The following KRTAP19-8 variants were observed in gnomAD, a reference collection of about 807,000 sequenced individuals.
KRTAP19-8 encodes the protein keratin associated protein 19-8.
Under a neutral mutation model 0.3 loss-of-function variants are expected in KRTAP19-8, and 1 was observed. The ratio of observed to expected loss-of-function variants is 3.43; its 90% CI spans 1.22 to 16.29. KRTAP19-8 has a LOEUF of 16.29. Among genes scored for constraint, KRTAP19-8 ranks in the 30% most tolerant of loss-of-function variants. The probability of loss-of-function intolerance (pLI) is 0.12; values close to 1 mark genes in which losing one functional copy is unlikely to be tolerated. For missense variants in KRTAP19-8, 68 were observed against 77.6 expected, an observed-to-expected ratio of 0.88 and a Z score of 0.46; for synonymous variants, 30 against 32.1, an observed-to-expected ratio of 0.94 and a Z score of 0.22.
chr21:31,038,175 G>A lies in KRTAP19-8; in HGVS notation c.*77C>T, dbSNP rs138882858. 168 of 1,249,254 alleles carry A rather than the reference G, an allele frequency of 1.3e-4. No individual in the cohort carries two copies. In the Admixed American group the frequency reaches 3.2e-3, roughly 24 times the overall value. The allele number at this position is 1,249,254 out of a possible 1,614,324, so 77.4% of individuals were successfully genotyped here. ...GAAAGTGGCTGCGCAATTCACAGAGGGGGTAAAAAGACCTGAAAGGAGAAT... is the reference window on the plus strand; with the variant it reads ...GAAAGTGGCTGCGCAATTCACAGAGAGGGTAAAAAGACCTGAAAGGAGAAT... On this transcript the variant is annotated 3_prime_UTR_variant, in exon 1 of 1. Coordinates refer to ENST00000382822, the MANE Select transcript of KRTAP19-8 (RefSeq NM_001099219.1).
rs750750430 is a variant in KRTAP19-8 at position 31,038,256 on chromosome 21, T to A, written c.188A>T (p.Tyr63Phe). 5 of 1,612,338 alleles carry A rather than the reference T, an allele frequency of 3.1e-6. No homozygotes were observed. Among genetic ancestry groups the A allele is most frequent in the Non-Finnish European group, 4.2e-6 (5 of 1,178,680 alleles). ...TCCAAAGAATGAGTTCACTCTTCAG[T>A]AGAAGGCAGAGAATCCATATCCTCC... is the stretch of plus-strand genomic sequence containing the variant. ...YYGGYGFSAF[Y>F] Residue 63 changes from tyrosine (Y) to phenylalanine (F), a missense_variant, in exon 1 of 1, where the codon TAC becomes TTC. Transcript: ENST00000382822.
In KRTAP19-8 at chr21:31,038,175, G is replaced by T; in HGVS notation, c.*77C>A. On this transcript the variant is annotated 3_prime_UTR_variant, in exon 1 of 1. Coordinates refer to ENST00000382822, the MANE Select transcript of KRTAP19-8 (RefSeq NM_001099219.1). ...GAAAGTGGCTGCGCAATTCACAGAGGGGGTAAAAAGACCTGAAAGGAGAAT... is the reference window on the plus strand; with the variant it reads ...GAAAGTGGCTGCGCAATTCACAGAGTGGGTAAAAAGACCTGAAAGGAGAAT... The T allele has an allele frequency of 5.6e-6, 7 of 1,249,256 alleles. No homozygotes were observed. The highest frequency in any genetic ancestry group is 7.0e-6 in the Non-Finnish European group (6 of 861,856). The allele number at this position is 1,249,256 out of a possible 1,614,324, so 77.4% of individuals were successfully genotyped here. A position where few individuals can be genotyped will look rare whatever the true frequency, so the allele number is the denominator to read the frequency against.
At position 31,038,313 on chromosome 21, in the gene KRTAP19-8, T is replaced by C. The variant is rs763630791; in HGVS notation, c.131A>G (p.Tyr44Cys). 1.2e-6 allele frequency: 2 copies of C among 1,612,252 alleles called. No homozygotes were observed. The highest frequency in any genetic ancestry group is 1.3e-5 in the African/African-American group (1 of 74,952). ...RLGYGCGYGG[Y>C]GFSCCRPLYY... ...TAATGGTCGGCAACAGCTGAATCCA[T>C]AGCCTCCGTAGCCACAGCCATAGCC... is the stretch of plus-strand genomic sequence containing the variant. The change falls in exon 1 of 1, where the codon TAT (tyrosine) becomes TGT (cysteine). Residue 44 changes from tyrosine (Y) to cysteine (C), a missense_variant. Transcript: ENST00000382822.
At position 31,038,434 on chromosome 21, in the gene KRTAP19-8, A is replaced by G. The variant is rs774688563; in HGVS notation, c.10T>C (p.Tyr4His). Residue 4 changes from tyrosine to histidine, a missense_variant, in exon 1 of 1, where the codon TAC becomes CAC. By Grantham distance (83) the Tyr-to-His change is moderately conservative. Transcript: ENST00000382822. Reference sequence around the variant, plus strand: ...CCCAGGCCTCCATAATAGCTTCTGTAGTAGCTCATGGTTCAGCAACTGTAG... The same window carrying G: ...CCCAGGCCTCCATAATAGCTTCTGTGGTAGCTCATGGTTCAGCAACTGTAG... MSY[Y>H]RSYYGGLGYG... 2 of 1,612,324 alleles carry G rather than the reference A, an allele frequency of 1.2e-6. No homozygotes were observed. Among genetic ancestry groups the G allele is most frequent in the Admixed American group, 1.7e-5 (1 of 59,486 alleles).
chr21:31,038,358 T>TAGCCGC lies in KRTAP19-8; in HGVS notation c.80_85dup (p.Cys27_Gly28dup). Reference sequence around the variant, plus strand: ...ATAGCCCAACCTGCGGAAGCTGCCATAGCCGCAGCCATAGCCATAGCCCCA... The same window carrying TAGCCGC: ...ATAGCCCAACCTGCGGAAGCTGCCATAGCCGCAGCCGCAGCCATAGCCATAGCCCCA... On this transcript the variant is annotated inframe_insertion, in exon 1 of 1. Coordinates refer to ENST00000382822, the MANE Select transcript of KRTAP19-8 (RefSeq NM_001099219.1). The TAGCCGC allele has an allele frequency of 6.2e-7, 1 of 1,609,004 alleles. No homozygotes were observed. The highest frequency in any genetic ancestry group is 1.3e-5 in the African/African-American group (1 of 74,876).
rs575758417 is a variant in KRTAP19-8, at chr21:31,038,346, C to T, written c.98G>A (p.Arg33His). Residue 33 changes from arginine to histidine, a missense_variant, in exon 1 of 1, where the codon CGC becomes CAC. Physicochemically the swap from Arg to His is conservative, Grantham distance 29. Transcript: ENST00000382822. The stretch of plus-strand genomic sequence containing the variant: ...GTAGCCACAGCCATAGCCCAACCTG[C>T]GGAAGCTGCCATAGCCGCAGCCATA... ...YGYGCGYGSF[R>H]RLGYGCGYGG... 7 of 1,609,774 alleles carry T rather than the reference C, an allele frequency of 4.3e-6. No homozygotes were observed. The highest frequency in any genetic ancestry group is 3.3e-5 in the South Asian group (3 of 90,974).
Position 31,038,263 on chromosome 21 carries a change from C to T in KRTAP19-8, c.181G>A (p.Ala61Thr), listed in dbSNP as rs7279142. The change falls in exon 1 of 1, where the codon GCC (alanine) becomes ACC (threonine). Residue 61 changes from alanine (A) to threonine (T), a missense_variant. Transcript: ENST00000382822. Reference protein sequence around the residue: ...PLYYGGYGFSAFY With the variant: ...PLYYGGYGFSTFY The stretch of plus-strand genomic sequence containing the variant: ...AATGAGTTCACTCTTCAGTAGAAGG[C>T]AGAGAATCCATATCCTCCGTAGTAT... 39,868 of 1,612,586 alleles carry T rather than the reference C, an allele frequency of 0.025. 4,561 individuals are homozygous for T. In the Admixed American group the frequency reaches 0.3, roughly 12 times the overall value.
chr21:31,038,294 T>C lies in KRTAP19-8; in HGVS notation c.150A>G (p.Arg50=). Residue 50 remains arginine (R), a synonymous_variant, in exon 1 of 1, where the codon CGA becomes CGG. Coordinates refer to ENST00000382822, the MANE Select transcript of KRTAP19-8 (RefSeq NM_001099219.1). ...ATCCATATCCTCCGTAGTATAATGGTCGGCAACAGCTGAATCCATAGCCTC... is the reference window on the plus strand; with the variant it reads ...ATCCATATCCTCCGTAGTATAATGGCCGGCAACAGCTGAATCCATAGCCTC... ...GYGGYGFSCC[R]PLYYGGYGFS... is the part of the protein sequence containing the mutation. 1 of 1,613,550 alleles carries C rather than the reference T, an allele frequency of 6.2e-7. No individual in the cohort carries two copies. The highest frequency in any genetic ancestry group is 8.5e-7 in the Non-Finnish European group (1 of 1,179,512).
chr21:31,038,439 C>T lies in KRTAP19-8; in HGVS notation c.5G>A (p.Ser2Asn). 2 of 1,611,194 alleles carry T rather than the reference C, an allele frequency of 1.2e-6. No individual in the cohort carries two copies. Among genetic ancestry groups the T allele is most frequent in the South Asian group, 1.1e-5 (1 of 90,944 alleles). Residue 2 changes from serine to asparagine, a missense_variant, in exon 1 of 1, where the codon AGC becomes AAC. Physicochemically the swap from Ser to Asn is conservative, Grantham distance 46 (BLOSUM62 1). Coordinates refer to ENST00000382822, the MANE Select transcript of KRTAP19-8 (RefSeq NM_001099219.1). MSYYRSYYGGLG... is the reference protein window; with the variant it reads MNYYRSYYGGLG... ...GCCTCCATAATAGCTTCTGTAGTAG[C>T]TCATGGTTCAGCAACTGTAGATGTG...
chr21:31,038,161 C>T lies in KRTAP19-8; in HGVS notation c.*91G>A, dbSNP rs894217295. On this transcript the variant is annotated 3_prime_UTR_variant, in exon 1 of 1. Transcript: ENST00000382822. The stretch of plus-strand genomic sequence containing the variant: ...GTCTGGTTTATCAAGAAAGTGGCTG[C>T]GCAATTCACAGAGGGGGTAAAAAGA... 5.8e-5 allele frequency: 63 copies of T among 1,087,030 alleles called. No individual in the cohort carries two copies. The African/African-American group carries it at 6.4e-4, about 11-fold the overall frequency. 67.3% of individuals were successfully genotyped at this position (1,087,030 alleles called of 1,614,324 possible). A position where few individuals can be genotyped will look rare whatever the true frequency, so the allele number is the denominator to read the frequency against.
chr21:31,038,240 T>C lies in KRTAP19-8; in HGVS notation c.*12A>G, dbSNP rs762099923. 1.2e-5 allele frequency: 19 copies of C among 1,608,000 alleles called. No homozygotes were observed. Among genetic ancestry groups the C allele is most frequent in the Middle Eastern group, 1.6e-4 (1 of 6,064 alleles). On this transcript the variant is annotated 3_prime_UTR_variant, in exon 1 of 1. Transcript: ENST00000382822. ...AGACAGATTCTAGTGATCCAAAGAATGAGTTCACTCTTCAGTAGAAGGCAG... is the reference window on the plus strand; with the variant it reads ...AGACAGATTCTAGTGATCCAAAGAACGAGTTCACTCTTCAGTAGAAGGCAG...
rs1012765200 is a variant in KRTAP19-8, at chr21:31,038,370, T to C, written c.74A>G (p.Tyr25Cys). 23 of 1,610,332 alleles carry C rather than the reference T, an allele frequency of 1.4e-5. No individual in the cohort carries two copies. The highest frequency in any genetic ancestry group is 8.8e-5 in the South Asian group (8 of 91,000). The change falls in exon 1 of 1, where the codon TAT (tyrosine) becomes TGT (cysteine). Residue 25 changes from tyrosine to cysteine, a missense_variant. By Grantham distance (194) the Tyr-to-Cys change is radical. Transcript: ENST00000382822. ...YGGFGGWGYG[Y>C]GCGYGSFRRL... Reference sequence around the variant, plus strand: ...GCGGAAGCTGCCATAGCCGCAGCCATAGCCATAGCCCCAGCCACCAAAGCC... The same window carrying C: ...GCGGAAGCTGCCATAGCCGCAGCCACAGCCATAGCCCCAGCCACCAAAGCC...
At chr21:31,038,300 A>ACAGCTGAATC in the KRTAP19-8 span, 1 of 1,613,290 alleles carries the variant, frequency 6.2e-7, no homozygotes. Flanking sequence ...ATGGTCGGCA[A>ACAGCTGAATC]CAGCTGAATC....
the KRTAP19-8 span, chr21:31,038,297 G>T: frequency 6.2e-7 from 1 of 1,613,144 alleles, no homozygotes; most frequent in African/African-American, 1.3e-5. Flanking sequence ...ATAATGGTCG[G>T]CAACAGCTGA....
Position 31,038,179 on chromosome 21 carries a change from T to C in KRTAP19-8, c.*73A>G. On this transcript the variant is annotated 3_prime_UTR_variant, in exon 1 of 1. Coordinates refer to ENST00000382822, the MANE Select transcript of KRTAP19-8 (RefSeq NM_001099219.1). ...GTGGCTGCGCAATTCACAGAGGGGG[T>C]AAAAAGACCTGAAAGGAGAATTAAG... 1 of 1,336,810 alleles carries C rather than the reference T, an allele frequency of 7.5e-7. No individual in the cohort carries two copies. The allele number at this position is 1,336,810 out of a possible 1,614,324, so 82.8% of individuals were successfully genotyped here. A position where few individuals can be genotyped will look rare whatever the true frequency, so the allele number is the denominator to read the frequency against.
rs573420775 is a variant in KRTAP19-8 at position 31,038,459 on chromosome 21, G to C, written c.-16C>G. The C allele has an allele frequency of 1.5e-5, 24 of 1,600,982 alleles. No homozygotes were observed. Among genetic ancestry groups the C allele is most frequent in the Middle Eastern group, 1.7e-4 (1 of 5,996 alleles). ...AGTAGCTCATGGTTCAGCAACTGTA[G>C]ATGTGTTTGGAGGTCAAGGGCAAGT... On this transcript the variant is annotated 5_prime_UTR_variant, in exon 1 of 1. In the 5' UTR this introduces an upstream ATG that the reference lacks. Coordinates refer to ENST00000382822, the MANE Select transcript of KRTAP19-8 (RefSeq NM_001099219.1).
rs757122740 is a variant in KRTAP19-8, at chr21:31,038,461, T to A, written c.-18A>T. 3 of 1,601,410 alleles carry A rather than the reference T, an allele frequency of 1.9e-6. No homozygotes were observed. The highest frequency in any genetic ancestry group is 2.6e-6 in the Non-Finnish European group (3 of 1,173,162). ...TAGCTCATGGTTCAGCAACTGTAGATGTGTTTGGAGGTCAAGGGCAAGTTT... is the reference window on the plus strand; with the variant it reads ...TAGCTCATGGTTCAGCAACTGTAGAAGTGTTTGGAGGTCAAGGGCAAGTTT... On this transcript the variant is annotated 5_prime_UTR_variant, in exon 1 of 1. Transcript: ENST00000382822.
Position 31,038,283 on chromosome 21 carries a change from T to A in KRTAP19-8, c.161A>T (p.Tyr54Phe). The change falls in exon 1 of 1, where the codon TAC becomes TTC. Residue 54 changes from tyrosine to phenylalanine, a missense_variant. By Grantham distance (22) the Tyr-to-Phe change is conservative. Transcript: ENST00000382822. Reference protein sequence around the residue: ...YGFSCCRPLYYGGYGFSAFY With the variant: ...YGFSCCRPLYFGGYGFSAFY Reference sequence around the variant, plus strand: ...GAAGGCAGAGAATCCATATCCTCCGTAGTATAATGGTCGGCAACAGCTGAA... The same window carrying A: ...GAAGGCAGAGAATCCATATCCTCCGAAGTATAATGGTCGGCAACAGCTGAA... 1 of 1,613,556 alleles carries A rather than the reference T, an allele frequency of 6.2e-7. No homozygotes were observed. The highest frequency in any genetic ancestry group is 8.5e-7 in the Non-Finnish European group (1 of 1,179,542).
Position 31,038,421 on chromosome 21 carries a change from T to C in KRTAP19-8, c.23A>G (p.Tyr8Cys). The change falls in exon 1 of 1, where the codon TAT becomes TGT. Residue 8 changes from tyrosine to cysteine, a missense_variant. Tyr to Cys is a radical substitution (Grantham distance 194, BLOSUM62 -2). Coordinates refer to ENST00000382822, the MANE Select transcript of KRTAP19-8 (RefSeq NM_001099219.1). ...TCCATAGCCATAGCCCAGGCCTCCA[T>C]AATAGCTTCTGTAGTAGCTCATGGT... MSYYRSY[Y>C]GGLGYGYGGF... The C allele has an allele frequency of 6.2e-7, 1 of 1,613,626 alleles. No individual in the cohort carries two copies. The highest frequency in any genetic ancestry group is 8.5e-7 in the Non-Finnish European group (1 of 1,179,804).
Sources: gnomAD v4.1 joint callset for allele counts on GRCh38, gnomAD v4.1.1 for gene constraint, MANE v1.5 for transcripts, NCBI Gene and HGNC (gene_info 2026-07-23, HGNC 2026-07-21) for gene names.